The following DMD variants were observed in gnomAD, a reference collection of about 807,000 sequenced individuals.
DMD encodes the protein dystrophin, also known as mutant dystrophin.
Under a neutral mutation model 330.1 loss-of-function variants are expected in DMD, and 63 were observed. That is an observed-to-expected ratio of 0.19 (90% CI 0.16 to 0.24). The LOEUF (loss-of-function observed/expected upper bound fraction) is 0.24. DMD is among the 10% of genes least tolerant of loss of function. The probability of loss-of-function intolerance (pLI) is 1.00; values close to 1 mark genes in which losing one functional copy is unlikely to be tolerated. For synonymous variants in DMD, 1,223 were observed against 959.8 expected (o/e 1.27, Z -5.07); for missense variants, 3,344 against 2,684.1 (o/e 1.25, Z -5.43).
chrX:32,621,485 C>CTT (rs200710203), intron 11 of DMD, among the ~76,000 whole-genome samples: 41 of 101,749 alleles, frequency 4.0e-4, no homozygotes, highest in African/African-American at 1.3e-3. Flanking sequence ...GTTTTATCTT[C>CTT]TTTTTTTTTT....
chrX:31,458,561 T>C (rs2066333265), intron 59 of DMD, among the ~76,000 whole-genome samples: 1 of 108,559 alleles, frequency 9.2e-6, no homozygotes, highest in Non-Finnish European at 1.9e-5. Context: ...ATCTACCCTT[T>C]AGAAAAAGTG....
chrX:31,828,574 G>T, intron 49 of DMD, among the ~76,000 whole-genome samples: 1 of 104,972 alleles, frequency 9.5e-6, no homozygotes, highest in Non-Finnish European at 1.9e-5. Context: ...TGAGGCAGGA[G>T]AATTACTTGA....
chrX:33,142,087 TTTTA>T (rs1208917236), intron 1 of DMD, among the ~76,000 whole-genome samples: 1 of 112,165 alleles, frequency 8.9e-6, no homozygotes, highest in African/African-American at 3.2e-5. Context: ...AAGGCTTTTA[TTTTA>T]TTTTATTTTT....
chrX:32,556,694 G>C (rs2050342654), intron 16 of DMD, among the ~76,000 whole-genome samples: 1 of 111,750 alleles, frequency 8.9e-6, no homozygotes, highest in South Asian at 3.7e-4. Context: ...CTTTATAGCA[G>C]TGTAAGAACA....
Position 32,849,760 on chromosome X carries a change from C to A in DMD, c.154G>T (p.Asp52Tyr), listed in dbSNP as rs1448085412. ...SDLQDGRRLL[D>Y]LLEGLTGQKL... Reference sequence around the variant, plus strand: ...TGCCCTGTCAGGCCTTCGAGGAGGTCTAGGAGGCGCCTCCCATCCTGTAGG... The same window carrying A: ...TGCCCTGTCAGGCCTTCGAGGAGGTATAGGAGGCGCCTCCCATCCTGTAGG... The change falls in exon 3 of 79, where the codon GAC becomes TAC. Residue 52 changes from aspartate to tyrosine, a missense_variant. Asp to Tyr is a radical substitution (Grantham distance 160). Transcript: ENST00000357033. 8.3e-7 allele frequency: 1 copy of A among 1,209,509 alleles called. No individual in the cohort carries two copies. The highest frequency in any genetic ancestry group is 3.0e-5 in the East Asian group (1 of 33,772).
At chrX:32,298,514 C>CATATATATATATATAT (rs57786574) in intron 42 of DMD, among the ~76,000 whole-genome samples, 5 of 104,495 alleles carry the variant, frequency 4.8e-5, no homozygotes, top group African/African-American at 1.1e-4. Flanking sequence ...ATATAAAAGG[C>CATATATATATATATAT]ATATATATAT....
intron 44 of DMD, among the ~76,000 whole-genome samples, chrX:32,059,031 CTAAAG>C (rs2062923714): frequency 9.0e-6 from 1 of 111,059 alleles, no homozygotes; most frequent in Non-Finnish European, 1.9e-5. Context: ...CATGAGGTAT[CTAAAG>C]TAGTCAAAAT....
At chrX:31,574,850 C>T (rs901650820) in intron 55 of DMD, among the ~76,000 whole-genome samples, 1 of 111,759 alleles carries the variant, frequency 8.9e-6, no homozygotes, top group Non-Finnish European at 1.9e-5. Context: ...ATTTTCTAAT[C>T]GTAGTTACTT....
chrX:33,023,714 A>T (rs2093953335), intron 1 of DMD, among the ~76,000 whole-genome samples: 2 of 111,906 alleles, frequency 1.8e-5, no homozygotes, highest in Non-Finnish European at 3.8e-5. Context: ...AGATAATTAT[A>T]TATTGGTAAT....
At chrX:32,631,758 A>T (rs868586240) in intron 11 of DMD, among the ~76,000 whole-genome samples, 13 of 111,359 alleles carry the variant, frequency 1.2e-4, no homozygotes, top group African/African-American at 4.3e-4. Context: ...TGAAAACAGC[A>T]CTAAGAGGAT....
intron 44 of DMD, among the ~76,000 whole-genome samples, chrX:32,205,004 C>CACA (rs1569550726): frequency 4.6e-4 from 22 of 47,816 alleles, no homozygotes; most frequent in South Asian, 2.8e-3. Flanking sequence ...CTCTCTCTCT[C>CACA]TCACATACAC....
intron 1 of DMD, among the ~76,000 whole-genome samples, chrX:33,331,579 G>C (rs779895846): frequency 3.6e-5 from 4 of 111,390 alleles, no homozygotes; most frequent in South Asian, 3.8e-4. Context: ...TTAGCTCTTT[G>C]TATTCATAAC....
chrX:31,957,063 G>C (rs951244199), intron 45 of DMD, among the ~76,000 whole-genome samples: 1 of 111,806 alleles, frequency 8.9e-6, no homozygotes, highest in African/African-American at 3.3e-5. Context: ...AGACGTCGTG[G>C]CACATGCCTG....
chrX:32,579,913 A>G (rs2053471002), intron 13 of DMD, among the ~76,000 whole-genome samples: 1 of 112,036 alleles, frequency 8.9e-6, no homozygotes, highest in Non-Finnish European at 1.9e-5. Context: ...TTCCTATATT[A>G]TTTATTTGTG....
intron 55 of DMD, among the ~76,000 whole-genome samples, chrX:31,516,267 TAAAAC>T (rs1297875045): frequency 2.9e-5 from 2 of 68,928 alleles, no homozygotes; most frequent in Non-Finnish European, 5.6e-5. Context: ...GATTGGGAAT[TAAAAC>T]AAGCGCAAAA....
chrX:32,233,452 T>C (rs2097175566), intron 43 of DMD, among the ~76,000 whole-genome samples: 1 of 110,941 alleles, frequency 9.0e-6, no homozygotes, highest in Admixed American at 9.6e-5. Context: ...TTTGAGTTCA[T>C]TTATGCAGAA....
At chrX:31,581,526 A>T (rs935493847) in intron 55 of DMD, among the ~76,000 whole-genome samples, 2 of 111,778 alleles carry the variant, frequency 1.8e-5, no homozygotes, top group Admixed American at 9.5e-5. Flanking sequence ...ATTCTTAATT[A>T]TAATAACTCT....
At chrX:32,718,139 C>T (rs765835954) in intron 7 of DMD, among the ~76,000 whole-genome samples, 25 of 110,748 alleles carry the variant, frequency 2.3e-4, no homozygotes, top group Non-Finnish European at 4.0e-4. Context: ...AATGTGAGAA[C>T]AATATGAGAT....
intron 2 of DMD, among the ~76,000 whole-genome samples, chrX:32,875,694 T>C (rs927092828): frequency 3.6e-5 from 4 of 112,073 alleles, no homozygotes; most frequent in African/African-American, 1.3e-4. Flanking sequence ...AATGGTCTTT[T>C]CTCAGACCCC....
Sources: gnomAD v4.1 joint callset for allele counts (sites outside exome capture counted in the v4.1 genomes callset) on GRCh38, gnomAD v4.1.1 for gene constraint, MANE v1.5 for transcripts, NCBI Gene and HGNC (gene_info 2026-07-23, HGNC 2026-07-21) for gene names.